GLT1D1: variants seen among roughly 807,000 people sequenced by gnomAD.
The protein encoded by GLT1D1 is glycosyltransferase 1 domain-containing protein 1.
GLT1D1 carries 21 observed loss-of-function variants against 28.7 expected under a neutral mutation model. The observed-to-expected ratio is 0.73, with a 90% CI of 0.52 to 1.05. The LOEUF (loss-of-function observed/expected upper bound fraction) is 1.05. Among genes scored for constraint, GLT1D1 ranks in the 50% least tolerant of loss-of-function variants. GLT1D1 has a pLI of 0.00. For missense variants in GLT1D1, 343 were observed against 330.6 expected (o/e 1.04, Z -0.29); for synonymous variants, 147 against 124.8 (o/e 1.18, Z -1.19).
chr12:128,935,339 C>T (rs557184213), intron 4 of GLT1D1, among the ~76,000 whole-genome samples: 2 of 151,948 alleles, frequency 1.3e-5, no homozygotes, highest in Admixed American at 6.6e-5. Context: ...GTCAGGTGTT[C>T]GAGACCAGGC....
At chr12:128,895,738 C>T (rs1593097112) in intron 3 of GLT1D1, among the ~76,000 whole-genome samples, 2 of 152,172 alleles carry the variant, frequency 1.3e-5, no homozygotes, top group East Asian at 3.9e-4. Flanking sequence ...AGATTACAGG[C>T]GTGAACCACC....
At chr12:128,927,191 GT>G in intron 4 of GLT1D1, 37 bp downstream of exon 8, 2 of 1,428,908 alleles carry the variant, frequency 1.4e-6, no homozygotes, top group Non-Finnish European at 1.9e-6. Flanking sequence ...TCTCATCTCT[GT>G]TTTCCTCTAT....
intron 4 of GLT1D1, among the ~76,000 whole-genome samples, chr12:128,908,380 TTC>T (rs1012456195): frequency 1.8e-4 from 9 of 48,800 alleles, no homozygotes; most frequent in African/African-American, 5.8e-4. Flanking sequence ...TTTCTTTTCT[TTC>T]TCTTTCTTTC....
chr12:128,859,611 G>A (rs1347437674), intron 1 of GLT1D1, among the ~76,000 whole-genome samples: 1 of 152,198 alleles, frequency 6.6e-6, no homozygotes, highest in Non-Finnish European at 1.5e-5. Flanking sequence ...TTCTCTAGGT[G>A]GGGTCAGGAG....
chr12:128,876,108 A>G (rs1213036844), intron 2 of GLT1D1, 46 bp downstream of exon 2: 3 of 1,549,990 alleles, frequency 1.9e-6, no homozygotes, highest in East Asian at 2.3e-5. Flanking sequence ...AATTCTGAAA[A>G]CCGGAAGTGC....
At chr12:128,927,589 T>C (rs1873361707) in intron 4 of GLT1D1, among the ~76,000 whole-genome samples, 1 of 152,074 alleles carries the variant, frequency 6.6e-6, no homozygotes, top group South Asian at 2.1e-4. Context: ...GTAAATGAAG[T>C]CAATTTGCCT....
At chr12:128,923,526 T>C (rs527689230) in intron 4 of GLT1D1, among the ~76,000 whole-genome samples, 104 of 151,480 alleles carry the variant, frequency 6.9e-4, no homozygotes, top group Admixed American at 1.2e-3. Context: ...TTTTTTTCTT[T>C]TCTTTTTTTT....
intron 1 of GLT1D1, among the ~76,000 whole-genome samples, chr12:128,857,009 C>A (rs1010244913): frequency 3.3e-5 from 5 of 152,110 alleles, no homozygotes; most frequent in Admixed American, 3.3e-4. Flanking sequence ...GACCGAAGAA[C>A]CTGAACGGGC....
intron 6 of GLT1D1, among the ~76,000 whole-genome samples, chr12:128,950,002 T>G (rs1876525463): frequency 6.6e-6 from 1 of 152,130 alleles, no homozygotes; most frequent in Non-Finnish European, 1.5e-5. Flanking sequence ...GTGAAGGCAT[T>G]CAAAGGCAGC....
intron 1 of GLT1D1, among the ~76,000 whole-genome samples, chr12:128,861,066 T>G (rs1956352873): frequency 8.2e-6 from 1 of 122,686 alleles, no homozygotes; most frequent in South Asian, 3.0e-4. Flanking sequence ...AGTTGTGGAG[T>G]TGTTTCAAAG....
intron 2 of GLT1D1, among the ~76,000 whole-genome samples, 190 bp from the exon 3 acceptor site, chr12:128,888,449 C>T (rs1452028215): frequency 6.6e-6 from 1 of 152,118 alleles, no homozygotes; most frequent in Non-Finnish European, 1.5e-5. Context: ...TCCCGTGATT[C>T]CTCTTGGTGT....
intron 2 of GLT1D1, among the ~76,000 whole-genome samples, chr12:128,885,325 C>T (rs1260652894): frequency 3.3e-5 from 5 of 152,098 alleles, no homozygotes; most frequent in African/African-American, 9.7e-5. Flanking sequence ...CAGGTTCAAG[C>T]GATTCTCCTG....
chr12:128,853,939 C>G (rs1367045292), intron 1 of GLT1D1, among the ~76,000 whole-genome samples: 2 of 152,024 alleles, frequency 1.3e-5, no homozygotes, highest in Non-Finnish European at 2.9e-5. Context: ...TGGAGGGGCC[C>G]GGGAAGGCCT....
At chr12:128,882,824 C>A (rs925482126) in intron 2 of GLT1D1, among the ~76,000 whole-genome samples, 2 of 152,108 alleles carry the variant, frequency 1.3e-5, no homozygotes, top group African/African-American at 4.8e-5. Context: ...CCTATACACC[C>A]TAAATGGCAC....
chr12:128,916,656 T>C (rs1305971525), intron 4 of GLT1D1, among the ~76,000 whole-genome samples: 1 of 152,228 alleles, frequency 6.6e-6, no homozygotes, highest in Non-Finnish European at 1.5e-5. Context: ...TTCATGTATC[T>C]TGTTTCGTGA....
At chr12:128,920,976 G>A (rs1246113715) in intron 4 of GLT1D1, among the ~76,000 whole-genome samples, 1 of 152,174 alleles carries the variant, frequency 6.6e-6, no homozygotes, top group African/African-American at 2.4e-5. Context: ...ATAGTTCTTT[G>A]TTAAAAGCTA....
At chr12:128,980,932 T>A (rs1880259369) in intron 7 of GLT1D1, among the ~76,000 whole-genome samples, 1 of 152,154 alleles carries the variant, frequency 6.6e-6, no homozygotes, top group South Asian at 2.1e-4. Flanking sequence ...TTGCAAACCA[T>A]CTTCGCTGGT....
At chr12:128,862,971 G>A (rs1956417376) in intron 1 of GLT1D1, among the ~76,000 whole-genome samples, 1 of 152,206 alleles carries the variant, frequency 6.6e-6, no homozygotes, top group African/African-American at 2.4e-5. Context: ...AGCCGACCTA[G>A]TTCCAGAGGG....
chr12:128,937,936 C>T (rs1018084101), intron 4 of GLT1D1, among the ~76,000 whole-genome samples: 4 of 152,136 alleles, frequency 2.6e-5, no homozygotes, highest in African/African-American at 9.7e-5. Context: ...TCTTTATTAA[C>T]AGTGCGAGAA....
Sources: gnomAD v4.1 joint callset for allele counts (sites outside exome capture counted in the v4.1 genomes callset) on GRCh38, gnomAD v4.1.1 for gene constraint, MANE v1.5 for transcripts, NCBI Gene and HGNC (gene_info 2026-07-23, HGNC 2026-07-21) for gene names.